CDH13: variants seen among roughly 807,000 people sequenced by gnomAD.
CDH13 encodes the protein cadherin 13, also known as cadherin-13.
In CDH13, 24 loss-of-function variants were observed where a neutral mutation model predicts 63.8. That is an observed-to-expected ratio of 0.38 (90% CI 0.27 to 0.53). The LOEUF (loss-of-function observed/expected upper bound fraction) is 0.53. Among genes scored for constraint, CDH13 ranks in the 20% least tolerant of loss-of-function variants. The probability of loss-of-function intolerance (pLI) is 0.85; values close to 1 mark genes in which losing one functional copy is unlikely to be tolerated. For synonymous variants in CDH13, 503 were observed against 355.3 expected (o/e 1.42, Z -4.67); for missense variants, 1,049 against 903.1 (o/e 1.16, Z -2.07).
At chr16:82,858,003 T>C (rs1305699300) in intron 1 of CDH13, among the ~76,000 whole-genome samples, 1 of 152,228 alleles carries the variant, frequency 6.6e-6, no homozygotes, top group African/African-American at 2.4e-5. Context: ...AATGCTTCTT[T>C]GCTTGTATAA....
At chr16:83,443,991 A>G (rs2072583477) in intron 6 of CDH13, among the ~76,000 whole-genome samples, 1 of 150,060 alleles carries the variant, frequency 6.7e-6, no homozygotes, top group Non-Finnish European at 1.5e-5. Flanking sequence ...GTTGATTATG[A>G]TGATGATGGC....
At chr16:83,434,304 C>T (rs1050790635) in intron 6 of CDH13, among the ~76,000 whole-genome samples, 4 of 152,186 alleles carry the variant, frequency 2.6e-5, no homozygotes, top group Admixed American at 6.5e-5. Context: ...CTTGTCCTAC[C>T]TGCTCCATCC....
At chr16:83,349,302 T>C (rs1042601102) in intron 6 of CDH13, among the ~76,000 whole-genome samples, 5 of 152,186 alleles carry the variant, frequency 3.3e-5, no homozygotes, top group African/African-American at 1.2e-4. Flanking sequence ...ATGGTGTTCA[T>C]GAGTAGGGGG....
At chr16:82,721,703 G>C (rs897292245) in intron 1 of CDH13, among the ~76,000 whole-genome samples, 1 of 152,204 alleles carries the variant, frequency 6.6e-6, no homozygotes, top group African/African-American at 2.4e-5. Context: ...TCTGGTCTTT[G>C]TAGGCCATGA....
intron 2 of CDH13, among the ~76,000 whole-genome samples, chr16:83,012,521 C>G (rs1914269250): frequency 6.6e-6 from 1 of 151,964 alleles, no homozygotes. Flanking sequence ...AATTAGACAT[C>G]TTCGTCATTT....
At chr16:82,883,588 C>T (rs1420865350) in intron 2 of CDH13, among the ~76,000 whole-genome samples, 1 of 152,192 alleles carries the variant, frequency 6.6e-6, no homozygotes, top group Non-Finnish European at 1.5e-5. Flanking sequence ...AGACAGTAGG[C>T]ATCTTTCTGT....
chr16:83,711,448 A>C (rs543097744), intron 10 of CDH13, among the ~76,000 whole-genome samples: 1 of 152,306 alleles, frequency 6.6e-6, no homozygotes, highest in African/African-American at 2.4e-5. Context: ...TGAGAGGCAC[A>C]CTGGCTAGCA....
chr16:83,477,195 C>G (rs1017528422), intron 6 of CDH13, among the ~76,000 whole-genome samples: 2 of 152,230 alleles, frequency 1.3e-5, no homozygotes, highest in Admixed American at 6.5e-5. Context: ...GCCATCATCT[C>G]TTTATCAGTA....
intron 8 of CDH13, among the ~76,000 whole-genome samples, chr16:83,650,853 G>T (rs1912306029): frequency 1.3e-5 from 2 of 152,090 alleles, no homozygotes; most frequent in Non-Finnish European, 2.9e-5. Flanking sequence ...CTGGAGGATT[G>T]CCTAAGGCCA....
chr16:82,909,305 A>G (rs2041751565), intron 2 of CDH13, among the ~76,000 whole-genome samples: 3 of 143,352 alleles, frequency 2.1e-5, no homozygotes, highest in Admixed American at 2.1e-4. Flanking sequence ...GACACGTAGA[A>G]TTTTGTGATC....
At chr16:83,106,951 G>A (rs1298965523) in intron 3 of CDH13, among the ~76,000 whole-genome samples, 1 of 151,914 alleles carries the variant, frequency 6.6e-6, no homozygotes, top group Non-Finnish European at 1.5e-5. Context: ...AACATATAGT[G>A]CATCCCTCCT....
chr16:82,920,928 A>T (rs1282130034), intron 2 of CDH13, among the ~76,000 whole-genome samples: 2 of 152,192 alleles, frequency 1.3e-5, no homozygotes, highest in African/African-American at 4.8e-5. Context: ...ATTTGTTAAA[A>T]ATCTTTTATC....
chr16:83,593,829 C>T (rs985448855), intron 7 of CDH13, among the ~76,000 whole-genome samples: 7 of 152,086 alleles, frequency 4.6e-5, no homozygotes, highest in Admixed American at 2.6e-4. Context: ...GTCATAGCCA[C>T]GATAGCCACT....
At chr16:83,109,029 T>C (rs758519153) in intron 3 of CDH13, among the ~76,000 whole-genome samples, 2 of 150,080 alleles carry the variant, frequency 1.3e-5, no homozygotes, top group Non-Finnish European at 3.0e-5. Context: ...AAGTACTTGC[T>C]GTTAAATCCT....
intron 5 of CDH13, among the ~76,000 whole-genome samples, chr16:83,246,700 C>T (rs1905029392): frequency 6.6e-6 from 1 of 152,138 alleles, no homozygotes; most frequent in South Asian, 2.1e-4. Context: ...GCCTTTGAGG[C>T]CCCTATGTTT....
intron 8 of CDH13, among the ~76,000 whole-genome samples, chr16:83,669,914 C>T (rs1001912368): frequency 3.3e-5 from 5 of 152,162 alleles, no homozygotes; most frequent in Non-Finnish European, 4.4e-5. Context: ...GAGGTAAGCA[C>T]CAAAACAATA....
At chr16:83,125,327 A>C (rs1458186251) in intron 3 of CDH13, 58 bp from the exon 4 acceptor site, 4 of 916,086 alleles carry the variant, frequency 4.4e-6, no homozygotes, top group Non-Finnish European at 7.1e-6. Flanking sequence ...ATCTCGGAGC[A>C]GACTGATACA....
intron 11 of CDH13, among the ~76,000 whole-genome samples, chr16:83,771,926 T>C (rs1193583396): frequency 1.3e-5 from 2 of 152,198 alleles, no homozygotes; most frequent in African/African-American, 4.8e-5. Context: ...ATTGCCAACC[T>C]TGTAACCAAA....
At chr16:83,777,098 T>C (rs1915171035) in intron 11 of CDH13, among the ~76,000 whole-genome samples, 1 of 152,202 alleles carries the variant, frequency 6.6e-6, no homozygotes, top group Admixed American at 6.5e-5. Context: ...GCTTTCCTGC[T>C]CGAGCTGCAC....
Sources: gnomAD v4.1 joint callset for allele counts (sites outside exome capture counted in the v4.1 genomes callset) on GRCh38, gnomAD v4.1.1 for gene constraint, MANE v1.5 for transcripts, NCBI Gene and HGNC (gene_info 2026-07-23, HGNC 2026-07-21) for gene names.